The following PAPPA2 variants were observed in gnomAD, a reference collection of about 807,000 sequenced individuals.
PAPPA2 encodes pappalysin 2.
A neutral mutation model predicts 176.4 loss-of-function variants in PAPPA2; 86 were observed. The observed-to-expected ratio is 0.49, with a 90% CI of 0.41 to 0.58. PAPPA2 has a LOEUF of 0.58. Ranked by LOEUF, PAPPA2 falls within the 20% of genes least tolerant of loss-of-function variation. PAPPA2 has a pLI of 0.00. For synonymous variants in PAPPA2, 809 were observed against 852.2 expected, an observed-to-expected ratio of 0.95 and a Z score of 0.88; for missense variants, 2,073 against 2,256.9, an observed-to-expected ratio of 0.92 and a Z score of 1.65.
chr1:176,638,644 A>G (rs896728059), intron 3 of PAPPA2, among the ~76,000 whole-genome samples: 1 of 151,968 alleles, frequency 6.6e-6, no homozygotes, highest in African/African-American at 2.4e-5. Flanking sequence ...AACAGGCCGG[A>G]GTGCTGGGGA....
At chr1:176,577,807 T>G (rs986042264) in intron 2 of PAPPA2, among the ~76,000 whole-genome samples, 7 of 152,150 alleles carry the variant, frequency 4.6e-5, no homozygotes, top group Non-Finnish European at 1.0e-4. Flanking sequence ...CCTTGCCTCG[T>G]AGCTTGTTGA....
Position 176,747,276 on chromosome 1 carries a change from A to G in PAPPA2, c.4151+7080A>G, listed in dbSNP as rs1211860985. Among the ~76,000 whole-genome samples the G allele has an allele frequency of 3.3e-5, 5 of 152,220 alleles. No individual in the cohort carries two copies. In the East Asian group the frequency reaches 9.6e-4, roughly 29 times the overall value. ...GTGAACGGGCATATTTGTTTTGAGG[A>G]AATGATGACTTGTAAATTCAGGCTC... On this transcript the variant is annotated intron_variant, in intron 14 of 22. Coordinates refer to ENST00000367662, the MANE Select transcript of PAPPA2 (RefSeq NM_020318.3).
intron 3 of PAPPA2, among the ~76,000 whole-genome samples, chr1:176,605,233 A>G (rs555442259): frequency 2.0e-5 from 3 of 152,342 alleles, no homozygotes; most frequent in African/African-American, 7.2e-5. Context: ...ACCAGACTCC[A>G]AAAAAGGAAT....
intron 18 of PAPPA2, among the ~76,000 whole-genome samples, 169 bp from the exon 19 acceptor site, chr1:176,791,173 ATTTTT>A (rs57185368): frequency 1.4e-3 from 117 of 80,872 alleles, no homozygotes; most frequent in African/African-American, 6.3e-3. Context: ...AAAGCAAAGA[ATTTTT>A]TTTTTTTTTT....
chr1:176,506,811 G>A (rs1029726804), intron 1 of PAPPA2, among the ~76,000 whole-genome samples: 2 of 151,956 alleles, frequency 1.3e-5, no homozygotes, highest in African/African-American at 4.8e-5. Flanking sequence ...AGATAGTTTG[G>A]CTTTGTAAGA....
rs71628212 is a variant in PAPPA2 at position 176,660,233 on chromosome 1, G to A, written c.1992-10737G>A. Among the ~76,000 whole-genome samples the A allele has an allele frequency of 1.7e-3, 256 of 152,168 alleles. 1 individual carries two copies. The highest frequency in any genetic ancestry group is 2.9e-3 in the Non-Finnish European group (200 of 67,990). ...AGAGTCTATACATTTTCCCCCAGGA[G>A]AGCCGTGGAACACTGTTGGCAACTG... On this transcript the variant is annotated intron_variant, in intron 3 of 22. Transcript: ENST00000367662.
intron 4 of PAPPA2, among the ~76,000 whole-genome samples, chr1:176,685,318 C>A (rs1029805325): frequency 6.6e-6 from 1 of 152,138 alleles, no homozygotes; most frequent in African/African-American, 2.4e-5. Flanking sequence ...TTAAACAGAT[C>A]AGTAAACAGC....
chr1:176,548,364 T>C (rs894480898), intron 1 of PAPPA2, among the ~76,000 whole-genome samples: 4 of 152,158 alleles, frequency 2.6e-5, no homozygotes, highest in African/African-American at 9.7e-5. Context: ...GAAGATACTC[T>C]AGCAGTGGCG....
Position 176,744,809 on chromosome 1 carries a change from TA to T in PAPPA2, c.4151+4614del, listed in dbSNP as rs1351328177. Reference sequence around the variant, plus strand: ...ATGATGTTTCTCAATTTAACTCCAATATTTTTTTCAATCAAGAGAAAATCCT... The same window carrying T: ...ATGATGTTTCTCAATTTAACTCCAATTTTTTTTCAATCAAGAGAAAATCCT... On this transcript the variant is annotated intron_variant, in intron 14 of 22. Coordinates refer to ENST00000367662, the MANE Select transcript of PAPPA2 (RefSeq NM_020318.3). 3.4e-4 allele frequency among the ~76,000 whole-genome samples: 52 copies of T among 152,346 alleles called. No individual in the cohort carries two copies. The Middle Eastern group carries it at 0.01, about 30-fold the overall frequency.
intron 17 of PAPPA2, among the ~76,000 whole-genome samples, chr1:176,785,510 G>T (rs749467033): frequency 8.5e-5 from 13 of 152,116 alleles, no homozygotes; most frequent in Non-Finnish European, 1.6e-4. Flanking sequence ...TTGAGGCTGA[G>T]AGGGGCAAAG....
chr1:176,483,086 G>A (rs1012265908), intron 1 of PAPPA2, among the ~76,000 whole-genome samples: 1 of 152,118 alleles, frequency 6.6e-6, no homozygotes, highest in Non-Finnish European at 1.5e-5. Flanking sequence ...CCTCGTACAT[G>A]ATCATCAGTG....
At chr1:176,801,680 A>G (rs532082209) in intron 21 of PAPPA2, among the ~76,000 whole-genome samples, 1 of 152,028 alleles carries the variant, frequency 6.6e-6, no homozygotes, top group Non-Finnish European at 1.5e-5. Context: ...AAGGAGGGAG[A>G]TAAACAGACA....
chr1:176,690,785 A>C, intron 5 of PAPPA2: 1 of 1,067,206 alleles, frequency 9.4e-7, no homozygotes, highest in Non-Finnish European at 1.1e-6. Flanking sequence ...ATTTACTCTG[A>C]AGAAGAGTCC....
chr1:176,778,384 A>G (rs1203979096), intron 17 of PAPPA2, among the ~76,000 whole-genome samples: 1 of 152,160 alleles, frequency 6.6e-6, no homozygotes, highest in African/African-American at 2.4e-5. Context: ...AAATAAAGTC[A>G]GGCTGGTCTG....
At chr1:176,531,666 G>C (rs942367434) in intron 1 of PAPPA2, among the ~76,000 whole-genome samples, 1 of 152,126 alleles carries the variant, frequency 6.6e-6, no homozygotes, top group Admixed American at 6.5e-5. Context: ...GACATGCTGA[G>C]GTCACTGTTG....
intron 2 of PAPPA2, among the ~76,000 whole-genome samples, chr1:176,581,741 G>T (rs1010983318): frequency 2.6e-5 from 4 of 151,606 alleles, no homozygotes; most frequent in Non-Finnish European, 5.9e-5. Context: ...TTCCTTTCTT[G>T]ATTTCTTTTT....
intron 14 of PAPPA2, among the ~76,000 whole-genome samples, chr1:176,752,355 A>C (rs1023462754): frequency 2.6e-5 from 4 of 151,790 alleles, no homozygotes; most frequent in Admixed American, 1.3e-4. Context: ...AAAAAAAAAA[A>C]AAAAAAAAAA....
chr1:176,618,298 C>T (rs926557195), intron 3 of PAPPA2, among the ~76,000 whole-genome samples: 6 of 152,118 alleles, frequency 3.9e-5, no homozygotes, highest in African/African-American at 1.4e-4. Context: ...AAACAGTTTT[C>T]CCAGATGTGC....
intron 21 of PAPPA2, among the ~76,000 whole-genome samples, chr1:176,834,120 C>T (rs1667181705): frequency 6.6e-6 from 1 of 152,176 alleles, no homozygotes; most frequent in African/African-American, 2.4e-5. Flanking sequence ...CTACATCAGT[C>T]ACTAAACTAG....
Sources: allele counts gnomAD v4.1 joint callset (sites outside exome capture counted in the v4.1 genomes callset), GRCh38; gene constraint gnomAD v4.1.1; transcripts MANE v1.5; gene names NCBI Gene and HGNC (gene_info 2026-07-23, HGNC 2026-07-21).